Variants in PABPC4L observed in about 807,000 individuals in gnomAD.
The protein encoded by PABPC4L is poly(A) binding protein cytoplasmic 4 like, also known as polyadenylate-binding protein 4-like.
For missense variants in PABPC4L, 452 were observed against 451.4 expected, an observed-to-expected ratio of 1.00 and a Z score of -0.01; for synonymous variants, 169 against 164.1, an observed-to-expected ratio of 1.03 and a Z score of -0.23.
chr4:134,182,361 T>C, the PABPC4L span, among the ~76,000 whole-genome samples: 1 of 151,886 alleles, frequency 6.6e-6, no homozygotes, highest in African/African-American at 2.4e-5. Context: ...GAAGGGACTC[T>C]ATTATATAAA....
the PABPC4L span, among the ~76,000 whole-genome samples, chr4:133,965,579 A>G: frequency 6.6e-6 from 1 of 152,216 alleles, no homozygotes; most frequent in South Asian, 2.1e-4. Context: ...CTCTAAGGCC[A>G]TAGTCACCAA....
chr4:134,197,591 A>G lies in PABPC4L; in HGVS notation c.*2316T>C, dbSNP rs1470286703. The G allele has an allele frequency of 6.6e-6, 1 of 151,742 alleles. No homozygotes were observed. Among genetic ancestry groups the G allele is most frequent in the Non-Finnish European group, 1.5e-5 (1 of 67,666 alleles). 9.4% of individuals were successfully genotyped at this position (151,742 alleles called of 1,614,324 possible). ...AAATGTAGTCATAATATGCAAAGAA[A>G]TCTAAAAATCCATGTAAATAAAAAA... On this transcript the variant is annotated 3_prime_UTR_variant, in exon 2 of 2. Coordinates refer to ENST00000421491, the MANE Select transcript of PABPC4L (RefSeq NM_001114734.2).
chr4:133,954,848 A>T, the PABPC4L span, among the ~76,000 whole-genome samples: 1 of 152,126 alleles, frequency 6.6e-6, no homozygotes, highest in African/African-American at 2.4e-5. Flanking sequence ...ATAGTGAACG[A>T]GCTGGTTAAT....
chr4:133,972,464 T>G, the PABPC4L span, among the ~76,000 whole-genome samples: 2 of 152,166 alleles, frequency 1.3e-5, no homozygotes. Flanking sequence ...TAGGGGCAGA[T>G]AGTATTGTCA....
At chr4:134,102,467 G>A in the PABPC4L span, among the ~76,000 whole-genome samples, 2 of 151,370 alleles carry the variant, frequency 1.3e-5, no homozygotes, top group African/African-American at 4.8e-5. Flanking sequence ...TGGATGTATA[G>A]CATGAGAATT....
chr4:134,098,123 A>G, the PABPC4L span, among the ~76,000 whole-genome samples: 1 of 151,826 alleles, frequency 6.6e-6, no homozygotes, highest in African/African-American at 2.4e-5. Context: ...TATTTATAAG[A>G]GCAATTGAAG....
At position 134,200,063 on chromosome 4, in the gene PABPC4L, A is replaced by T. The variant is rs1318005403; in HGVS notation, c.957T>A (p.Ile319=). The T allele has an allele frequency of 6.4e-7, 1 of 1,551,682 alleles. No homozygotes were observed. Among genetic ancestry groups the T allele is most frequent in the East Asian group, 2.4e-5 (1 of 40,914 alleles). ...CTTCCTGCATTACCTTAACTCTGCT[A>T]ATTGATCCAAATGAAGAAAATTCGT... ...LRNEFSSFGS[I]SRVKVMQEEG... The change falls in exon 2 of 2, where the codon ATT becomes ATA. Residue 319 remains isoleucine, a synonymous_variant. Coordinates refer to ENST00000421491, the MANE Select transcript of PABPC4L (RefSeq NM_001114734.2).
At chr4:134,181,570 A>G in the PABPC4L span, among the ~76,000 whole-genome samples, 1 of 152,028 alleles carries the variant, frequency 6.6e-6, no homozygotes, top group Non-Finnish European at 1.5e-5. Flanking sequence ...GGAAGAGAAA[A>G]AGACAAACTA....
chr4:134,145,479 C>G, the PABPC4L span, among the ~76,000 whole-genome samples: 1 of 151,828 alleles, frequency 6.6e-6, no homozygotes, highest in African/African-American at 2.4e-5. Flanking sequence ...AGAACTATTG[C>G]TTAGTTTTTC....
Position 134,201,013 on chromosome 4 carries a change from C to T in PABPC4L, c.7G>A (p.Val3Ile), listed in dbSNP as rs776510524. The T allele has an allele frequency of 3.9e-6, 6 of 1,551,760 alleles. No homozygotes were observed. In the East Asian group the frequency reaches 1.5e-4, roughly 38 times the overall value. ...GAGGCCATGCGGTACTTGGCTGCTA[C>T]ATTCATCTCCTTGTCCTTGCCACTG... is the stretch of plus-strand genomic sequence containing the variant. MN[V>I]AAKYRMASLY... Residue 3 changes from valine to isoleucine, a missense_variant, in exon 2 of 2, where the codon GTA becomes ATA. By Grantham distance (29) the Val-to-Ile change is conservative. Transcript: ENST00000421491.
chr4:133,976,030 C>T, the PABPC4L span, among the ~76,000 whole-genome samples: 1 of 151,950 alleles, frequency 6.6e-6, no homozygotes. Flanking sequence ...TAAATGTGTG[C>T]CATAGTGGTT....
chr4:134,175,299 A>C, the PABPC4L span, among the ~76,000 whole-genome samples: 1 of 152,132 alleles, frequency 6.6e-6, no homozygotes, highest in Non-Finnish European at 1.5e-5. Flanking sequence ...AATAATTAAA[A>C]TGTGAATTAC....
At chr4:133,967,091 G>C in the PABPC4L span, among the ~76,000 whole-genome samples, 1 of 151,032 alleles carries the variant, frequency 6.6e-6, no homozygotes, top group African/African-American at 2.4e-5. Flanking sequence ...AAATGGTAAT[G>C]ATATTTGAGG....
At chr4:134,088,369 T>C in the PABPC4L span, among the ~76,000 whole-genome samples, 7 of 152,210 alleles carry the variant, frequency 4.6e-5, no homozygotes, top group Admixed American at 6.5e-5. Context: ...AGGAAAAGTT[T>C]TTCTTCCATT....
chr4:134,106,432 TAAGA>T, the PABPC4L span, among the ~76,000 whole-genome samples: 13 of 150,524 alleles, frequency 8.6e-5, no homozygotes, highest in South Asian at 4.2e-4. Context: ...ATTCATATGC[TAAGA>T]AAGAAAGAAA....
chr4:134,013,907 A>G, the PABPC4L span, among the ~76,000 whole-genome samples: 1 of 151,522 alleles, frequency 6.6e-6, no homozygotes, highest in Non-Finnish European at 1.5e-5. Flanking sequence ...TCCCCTCCTC[A>G]CACCCAGTCA....
the PABPC4L span, among the ~76,000 whole-genome samples, chr4:134,165,252 A>G: frequency 6.6e-6 from 1 of 152,190 alleles, no homozygotes; most frequent in African/African-American, 2.4e-5. Context: ...ATATCCCAAA[A>G]GCAAATTCAA....
the PABPC4L span, among the ~76,000 whole-genome samples, chr4:134,187,847 G>T: frequency 6.6e-6 from 1 of 151,898 alleles, no homozygotes; most frequent in Non-Finnish European, 1.5e-5. Flanking sequence ...TTGTATACAA[G>T]ATATATTGTT....
the PABPC4L span, among the ~76,000 whole-genome samples, chr4:134,078,641 A>C: frequency 7.3e-6 from 1 of 136,284 alleles, no homozygotes; most frequent in East Asian, 2.4e-4. Context: ...CATAGAGATA[A>C]GTTTTGTAGC....
Sources: gnomAD v4.1 joint callset for allele counts (sites outside exome capture counted in the v4.1 genomes callset) on GRCh38, gnomAD v4.1.1 for gene constraint, MANE v1.5 for transcripts, NCBI Gene and HGNC (gene_info 2026-07-23, HGNC 2026-07-21) for gene names.